TMEM131L: variants seen among roughly 807,000 people sequenced by gnomAD.
The protein encoded by TMEM131L is transmembrane protein 131-like.
A neutral mutation model predicts 192.2 loss-of-function variants in TMEM131L; 54 were observed. The observed-to-expected ratio is 0.28, with a 90% CI of 0.23 to 0.35. The LOEUF (loss-of-function observed/expected upper bound fraction) is 0.35, where lower values mean the gene tolerates loss of function less well. TMEM131L is among the 10% of genes least tolerant of loss of function. The pLI, the probability that TMEM131L is intolerant of heterozygous loss-of-function variation, is 1.00. For missense variants in TMEM131L, 1,888 were observed against 1,972.9 expected, an observed-to-expected ratio of 0.96 and a Z score of 0.82; for synonymous variants, 701 against 704.9, an observed-to-expected ratio of 0.99 and a Z score of 0.09.
At chr4:153,618,161 G>A (rs1402685889) in intron 26 of TMEM131L, among the ~76,000 whole-genome samples, 1 of 152,062 alleles carries the variant, frequency 6.6e-6, no homozygotes, top group Non-Finnish European at 1.5e-5. Context: ...CTTAGGAAAT[G>A]TTTCTCCACA....
intron 3 of TMEM131L, among the ~76,000 whole-genome samples, chr4:153,548,062 G>A (rs6535925): frequency 0.22 from 33,929 of 151,616 alleles, 4,293 homozygotes; most frequent in African/African-American, 0.34. Flanking sequence ...GGCCAGCTCC[G>A]TCTGGAGTAG....
In TMEM131L at chr4:153,555,219, A is replaced by G. The variant is rs114159540; in HGVS notation, c.309-568A>G. Among the ~76,000 whole-genome samples the G allele has an allele frequency of 9.2e-3, 1,394 of 152,332 alleles. 18 individuals carry two copies. Among genetic ancestry groups the G allele is most frequent in the Middle Eastern group, 0.027 (8 of 294 alleles). On this transcript the variant is annotated intron_variant, in intron 4 of 34. Coordinates refer to ENST00000409959, the MANE Select transcript of TMEM131L (RefSeq NM_001131007.2). The surrounding 1 kb of genome is among the most constrained non-coding windows in gnomAD (Gnocchi z 4.1). ...TTAAGTTTTCCTTTTCTAAGACCTA[A>G]TAAAATAACATCTCTTTGTGAGCTG...
In TMEM131L at chr4:153,606,360, A is replaced by G. The variant is rs188454551; in HGVS notation, c.3418+1930A>G. ...TTCTTCTGTGATCGCTTGTGCCCAC[A>G]AGAGATATGTGCCTGCAAGATGCAA... On this transcript the variant is annotated intron_variant, in intron 25 of 34. Transcript: ENST00000409959. 1.3e-4 allele frequency among the ~76,000 whole-genome samples: 20 copies of G among 152,342 alleles called. No homozygotes were observed. The East Asian group carries it at 3.7e-3, about 28-fold the overall frequency.
intron 7 of TMEM131L, among the ~76,000 whole-genome samples, chr4:153,576,507 G>T (rs563369392): frequency 6.6e-6 from 1 of 152,010 alleles, no homozygotes; most frequent in African/African-American, 2.4e-5. Context: ...AAAATATTAG[G>T]CTTTAAATCA....
chr4:153,558,368 G>A lies in TMEM131L; in HGVS notation c.660G>A (p.Gln220=). ...AGAGCATTCAGCTGTCTCAAATGCA[G>A]GTCATTTTAATAGATTTACTTTGAA... ...KVQSIQLSQM[Q]AETTNTSLLQ... is the part of the protein sequence containing the mutation. Residue 220 remains glutamine (Q), a splice_region_variant and synonymous_variant, in exon 7 of 35, where the codon CAG becomes CAA. Coordinates refer to ENST00000409959, the MANE Select transcript of TMEM131L (RefSeq NM_001131007.2). The A allele has an allele frequency of 6.3e-7, 1 of 1,577,190 alleles. No homozygotes were observed. Among genetic ancestry groups the A allele is most frequent in the Non-Finnish European group, 8.7e-7 (1 of 1,150,416 alleles).
intron 3 of TMEM131L, among the ~76,000 whole-genome samples, chr4:153,496,979 GCC>G (rs1733219558): frequency 1.3e-5 from 2 of 152,112 alleles, no homozygotes; most frequent in South Asian, 4.2e-4. Flanking sequence ...TCCCACCTCA[GCC>G]TCCCTAGTAG....
At chr4:153,477,689 TA>T (rs746496893) in intron 3 of TMEM131L, among the ~76,000 whole-genome samples, 12 of 152,120 alleles carry the variant, frequency 7.9e-5, no homozygotes, top group South Asian at 2.1e-4. Flanking sequence ...TGTGCTTTTT[TA>T]TTTATAAAAA....
chr4:153,597,906 C>A (rs1731555947), intron 20 of TMEM131L, among the ~76,000 whole-genome samples: 1 of 152,016 alleles, frequency 6.6e-6, no homozygotes, highest in South Asian at 2.1e-4. Flanking sequence ...GCACCCCAGC[C>A]TGAGTGGCAG....
At chr4:153,610,868 T>C (rs535602760) in intron 25 of TMEM131L, among the ~76,000 whole-genome samples, 1 of 152,276 alleles carries the variant, frequency 6.6e-6, no homozygotes, top group Admixed American at 6.5e-5. Flanking sequence ...CTGGGAAATA[T>C]TTGCTCTGCC....
chr4:153,584,850 A>G lies in TMEM131L; in HGVS notation c.1076A>G (p.Asp359Gly). The change falls in exon 12 of 35, where the codon GAC becomes GGC. Residue 359 changes from aspartate (D) to glycine (G), a missense_variant. Coordinates refer to ENST00000409959, the MANE Select transcript of TMEM131L (RefSeq NM_001131007.2). Reference sequence around the variant, plus strand: ...TACCACAAAGCAGCTACATCATGTGACAGTGGAATTATAGAAGATGTGAAG... The same window carrying G: ...TACCACAAAGCAGCTACATCATGTGGCAGTGGAATTATAGAAGATGTGAAG... ...SFTCKAATSC[D>G]SGIIEDVKKT... The G allele has an allele frequency of 6.2e-7, 1 of 1,613,758 alleles. No homozygotes were observed. The highest frequency in any genetic ancestry group is 8.5e-7 in the Non-Finnish European group (1 of 1,179,606).
At chr4:153,631,350 T>C (rs1734195106) in intron 31 of TMEM131L, among the ~76,000 whole-genome samples, 1 of 152,194 alleles carries the variant, frequency 6.6e-6, no homozygotes, top group Non-Finnish European at 1.5e-5. Context: ...AGCTGAAATA[T>C]AGGTGGGGCA....
At chr4:153,482,957 A>G (rs549137189) in intron 3 of TMEM131L, among the ~76,000 whole-genome samples, 4 of 152,280 alleles carry the variant, frequency 2.6e-5, no homozygotes, top group East Asian at 3.9e-4. Flanking sequence ...TTAGGTTCGT[A>G]TTCATTTTTA....
intron 7 of TMEM131L, among the ~76,000 whole-genome samples, chr4:153,569,062 C>G (rs1483239239): frequency 1.3e-5 from 2 of 152,198 alleles, no homozygotes. Flanking sequence ...TCACCCCTTC[C>G]TACAGCACAG....
At chr4:153,609,838 T>C (rs944010406) in intron 25 of TMEM131L, among the ~76,000 whole-genome samples, 1 of 152,222 alleles carries the variant, frequency 6.6e-6, no homozygotes, top group African/African-American at 2.4e-5. Context: ...ATATCTGTAT[T>C]GTATTTCATA....
intron 6 of TMEM131L, among the ~76,000 whole-genome samples, chr4:153,557,413 G>T (rs1728548453): frequency 6.6e-6 from 1 of 152,182 alleles, no homozygotes; most frequent in Non-Finnish European, 1.5e-5. Flanking sequence ...CGGGCGTTCA[G>T]AAGGAGGTGC....
intron 7 of TMEM131L, among the ~76,000 whole-genome samples, chr4:153,565,180 C>T (rs1333808761): frequency 6.6e-6 from 1 of 152,184 alleles, no homozygotes; most frequent in African/African-American, 2.4e-5. Flanking sequence ...TTCCATGAAG[C>T]TCTGCAGGAG....
chr4:153,634,500 C>T (rs1292219351), intron 33 of TMEM131L, among the ~76,000 whole-genome samples: 2 of 152,114 alleles, frequency 1.3e-5, no homozygotes, highest in Non-Finnish European at 2.9e-5. Context: ...TGTCTGGGGG[C>T]TTCAAAAATA....
intron 3 of TMEM131L, among the ~76,000 whole-genome samples, chr4:153,507,438 G>T (rs1314842840): frequency 6.6e-6 from 1 of 152,202 alleles, no homozygotes; most frequent in East Asian, 1.9e-4. Flanking sequence ...TGTGTTTACA[G>T]TGGTAAGTTA....
At chr4:153,603,598 C>CATT (rs1330942476) in intron 24 of TMEM131L, 146 bp downstream of exon 24, 16 of 1,026,780 alleles carry the variant, frequency 1.6e-5, no homozygotes, top group Non-Finnish European at 2.2e-5. Flanking sequence ...ACAGCTGCCC[C>CATT]ATTATTATTA....
Sources: allele counts gnomAD v4.1 joint callset (sites outside exome capture counted in the v4.1 genomes callset), GRCh38; gene constraint gnomAD v4.1.1; non-coding constraint Gnocchi (gnomAD v3.1); transcripts MANE v1.5; gene names NCBI Gene and HGNC (gene_info 2026-07-23, HGNC 2026-07-21).